The following HTR4 variants were observed in gnomAD, a reference collection of about 807,000 sequenced individuals.
HTR4 encodes the protein 5-hydroxytryptamine (serotonin) receptor 4, G protein-coupled.
HTR4 carries 16 observed loss-of-function variants against 36.8 expected under a neutral mutation model. The observed-to-expected ratio is 0.43, with a 90% CI of 0.29 to 0.66. The LOEUF (loss-of-function observed/expected upper bound fraction) is 0.66. Ranked by LOEUF, HTR4 falls within the 30% of genes least tolerant of loss-of-function variation. The pLI is 0.13. For synonymous variants in HTR4, 189 were observed against 185.1 expected (o/e 1.02, Z -0.17); for missense variants, 438 against 490.9 (o/e 0.89, Z 1.02).
intron 5 of HTR4, among the ~76,000 whole-genome samples, chr5:148,454,899 T>C (rs561874583): frequency 5.3e-5 from 8 of 152,282 alleles, no homozygotes; most frequent in Non-Finnish European, 7.4e-5. Flanking sequence ...TAATGACTTA[T>C]GTATGAGTCT....
chr5:148,653,060 C>T (rs1405340841), intron 1 of HTR4, among the ~76,000 whole-genome samples: 2 of 152,118 alleles, frequency 1.3e-5, no homozygotes, highest in African/African-American at 4.8e-5. Context: ...CCCTTGGTCA[C>T]TGATGCTCAA....
intron 2 of HTR4, among the ~76,000 whole-genome samples, chr5:148,622,485 C>A (rs1752951338): frequency 6.6e-6 from 1 of 152,164 alleles, no homozygotes; most frequent in Non-Finnish European, 1.5e-5. Flanking sequence ...AATAGTTTAT[C>A]ATATTGTGAT....
At chr5:148,516,482 G>A (rs1757762320) in intron 5 of HTR4, among the ~76,000 whole-genome samples, 1 of 151,798 alleles carries the variant, frequency 6.6e-6, no homozygotes, top group Non-Finnish European at 1.5e-5. Flanking sequence ...ACCATGCCTG[G>A]CTAATTTTTG....
chr5:148,527,809 T>C (rs901031803), intron 4 of HTR4, among the ~76,000 whole-genome samples: 1 of 152,194 alleles, frequency 6.6e-6, no homozygotes, highest in Admixed American at 6.5e-5. Flanking sequence ...GGACAGGGTT[T>C]CGCTATGTTG....
At chr5:148,592,832 C>A (rs2127260033) in intron 2 of HTR4, among the ~76,000 whole-genome samples, 1 of 152,236 alleles carries the variant, frequency 6.6e-6, no homozygotes, top group Non-Finnish European at 1.5e-5. Flanking sequence ...TGTACTACCA[C>A]TTTGCTAATT....
chr5:148,630,585 T>G (rs560349380), intron 2 of HTR4, among the ~76,000 whole-genome samples: 1 of 152,234 alleles, frequency 6.6e-6, no homozygotes, highest in Non-Finnish European at 1.5e-5. Context: ...TAATAACTGA[T>G]CATTAAGGTC....
intron 2 of HTR4, among the ~76,000 whole-genome samples, chr5:148,607,551 G>A (rs1752232364): frequency 6.6e-6 from 1 of 152,084 alleles, no homozygotes; most frequent in Non-Finnish European, 1.5e-5. Flanking sequence ...CAACTTTGAT[G>A]AGCCTCTCCA....
intron 5 of HTR4, among the ~76,000 whole-genome samples, chr5:148,512,653 G>A (rs182540616): frequency 3.1e-4 from 47 of 152,174 alleles, no homozygotes; most frequent in African/African-American, 9.6e-4. Context: ...GATACTGGCC[G>A]GGCGCGGTGA....
chr5:148,498,937 A>T (rs1406405429), intron 6 of HTR4, among the ~76,000 whole-genome samples: 2 of 152,212 alleles, frequency 1.3e-5, no homozygotes, highest in African/African-American at 4.8e-5. Context: ...TTTGTAGGCA[A>T]ACTAGAGAAA....
At chr5:148,615,856 G>A (rs2127287878) in intron 2 of HTR4, among the ~76,000 whole-genome samples, 1 of 152,290 alleles carries the variant, frequency 6.6e-6, no homozygotes, top group South Asian at 2.1e-4. Context: ...TCCAGCGGGA[G>A]CCAAAATACT....
At chr5:148,591,411 A>G (rs923161732) in intron 2 of HTR4, among the ~76,000 whole-genome samples, 7 of 152,130 alleles carry the variant, frequency 4.6e-5, no homozygotes, top group South Asian at 2.1e-4. Flanking sequence ...GAATCTGTAA[A>G]TGGCTTTGGG....
intron 4 of HTR4, among the ~76,000 whole-genome samples, chr5:148,532,551 G>T (rs1432918): frequency 6.6e-5 from 10 of 152,212 alleles, no homozygotes; most frequent in Admixed American, 5.9e-4. Flanking sequence ...TTCAATAGCG[G>T]TTTTTTAAGT....
intron 5 of HTR4, among the ~76,000 whole-genome samples, chr5:148,510,701 A>T (rs1757456548): frequency 6.6e-6 from 1 of 152,198 alleles, no homozygotes; most frequent in Admixed American, 6.5e-5. Flanking sequence ...ACTGTGCTAA[A>T]CTTAGCTCTT....
chr5:148,547,526 A>AAAAATAAAAAT (rs1759438667), intron 4 of HTR4, among the ~76,000 whole-genome samples: 2 of 125,108 alleles, frequency 1.6e-5, no homozygotes, highest in South Asian at 5.2e-4. Flanking sequence ...CTCAAAAAAT[A>AAAAATAAAAAT]AAAATAAAAT....
At chr5:148,475,445 G>A (rs74526630), downstream of HTR4, among the ~76,000 whole-genome samples, 948 of 152,238 alleles carry the variant, frequency 6.2e-3, 9 homozygotes, top group African/African-American at 0.02. Flanking sequence ...ACTCTTGCTT[G>A]GGAGACACAT....
At chr5:148,474,088 C>G (rs1321712381), downstream of HTR4, among the ~76,000 whole-genome samples, 1 of 152,074 alleles carries the variant, frequency 6.6e-6, no homozygotes, top group African/African-American at 2.4e-5. Flanking sequence ...TTCCTAGTTC[C>G]TTCCACTGAC....
Position 148,618,038 on chromosome 5 carries a change from AG to A in HTR4, c.26+18950del, listed in dbSNP as rs150061493. Among the ~76,000 whole-genome samples the A allele has an allele frequency of 0.014, 2,150 of 152,208 alleles. 166 individuals carry two copies. The East Asian group carries it at 0.23, about 16-fold the overall frequency. ...CTGGGCCAGCTCTCTCCAAAACGTG[AG>A]GAGATGGCCATCAGCATCTCTAGGC... On this transcript the variant is annotated intron_variant, in intron 2 of 6. Transcript: ENST00000377888.
intron 5 of HTR4, among the ~76,000 whole-genome samples, chr5:148,467,518 G>C (rs1358418533): frequency 6.6e-6 from 1 of 152,162 alleles, no homozygotes; most frequent in Non-Finnish European, 1.5e-5. Context: ...AATTTCAGAA[G>C]AGGATATAAT....
intron 2 of HTR4, among the ~76,000 whole-genome samples, chr5:148,568,703 G>A (rs1760554585): frequency 6.6e-6 from 1 of 152,120 alleles, no homozygotes; most frequent in African/African-American, 2.4e-5. Context: ...ATACTCTCAG[G>A]ACTGGTTATG....
Sources: allele counts gnomAD v4.1 joint callset (sites outside exome capture counted in the v4.1 genomes callset), GRCh38; gene constraint gnomAD v4.1.1; transcripts MANE v1.5; gene names NCBI Gene and HGNC (gene_info 2026-07-23, HGNC 2026-07-21).